Variants in BIVM observed in about 807,000 individuals in gnomAD.
BIVM encodes the protein basic, immunoglobulin-like variable motif containing, also known as basic immunoglobulin-like variable motif-containing protein.
BIVM carries 31 observed loss-of-function variants against 61.4 expected under a neutral mutation model. The observed-to-expected ratio is 0.51, with a 90% CI of 0.38 to 0.68. The LOEUF is 0.68. BIVM is among the 30% of genes least tolerant of loss of function. The pLI is 0.00. For missense variants in BIVM, 526 were observed against 596.0 expected (o/e 0.88, Z 1.22); for synonymous variants, 189 against 210.7 (o/e 0.90, Z 0.89).
At chr13:102,818,877 G>C (rs895361400) in intron 4 of BIVM, among the ~76,000 whole-genome samples, 1 of 152,124 alleles carries the variant, frequency 6.6e-6, no homozygotes, top group African/African-American at 2.4e-5. Context: ...GCCAAATTTA[G>C]TGTTATGAGA....
At chr13:102,818,733 A>G (rs1403824066) in intron 4 of BIVM, among the ~76,000 whole-genome samples, 1 of 152,196 alleles carries the variant, frequency 6.6e-6, no homozygotes, top group Non-Finnish European at 1.5e-5. Flanking sequence ...AGTCCCGTAG[A>G]AGATAGTAGA....
intron 4 of BIVM, among the ~76,000 whole-genome samples, chr13:102,817,270 C>T (rs1879926975): frequency 6.6e-6 from 1 of 152,198 alleles, no homozygotes; most frequent in Non-Finnish European, 1.5e-5. Flanking sequence ...TTTGTATTTT[C>T]CTTTTAGTTT....
chr13:102,814,156 G>C (rs969600455), intron 3 of BIVM, among the ~76,000 whole-genome samples: 23 of 152,042 alleles, frequency 1.5e-4, no homozygotes, highest in African/African-American at 5.3e-4. Flanking sequence ...GTAGGGTGAG[G>C]AATGGAAGAA....
At position 102,802,859 on chromosome 13, in the gene BIVM, C is replaced by T. The variant is rs57639050; in HGVS notation, c.-206-2448C>T. ...CTCCTGGCCTCAAGTGATTCTTTTG[C>T]CTCAGCCTCCCAAAGCATAGATATT... On this transcript the variant is annotated intron_variant, in intron 1 of 10. Transcript: ENST00000257336. 5.5e-3 allele frequency among the ~76,000 whole-genome samples: 828 copies of T among 150,888 alleles called. 7 individuals are homozygous for T. The highest frequency in any genetic ancestry group is 0.018 in the African/African-American group (752 of 41,034).
intron 1 of BIVM, among the ~76,000 whole-genome samples, chr13:102,799,982 C>T (rs1443113194): frequency 3.3e-5 from 5 of 152,176 alleles, no homozygotes; most frequent in African/African-American, 1.2e-4. Flanking sequence ...TGGGCCGCCG[C>T]CAGGAGTCAC....
At position 102,840,561 on chromosome 13, in the gene BIVM, G is replaced by A. The variant is rs1881746175; in HGVS notation, c.*696G>A. ...TAGCCGGGTGTAGTGGTGGGCACCT[G>A]TAGTCCTAGCTACTCGAGAGGCTGA... is the stretch of plus-strand genomic sequence containing the variant. On this transcript the variant is annotated 3_prime_UTR_variant, in exon 11 of 11. Transcript: ENST00000257336. 1 of 152,118 alleles carries A rather than the reference G, an allele frequency of 6.6e-6. No homozygotes were observed. The highest frequency in any genetic ancestry group is 2.4e-5 in the African/African-American group (1 of 41,358). 9.4% of individuals were successfully genotyped at this position (152,118 alleles called of 1,614,324 possible).
At chr13:102,820,523 T>A (rs544790941) in intron 4 of BIVM, 20 of 157,108 alleles carry the variant, frequency 1.3e-4, no homozygotes, top group African/African-American at 3.4e-4. Context: ...AATCATGCCA[T>A]GGAAGGATTT....
chr13:102,813,434 A>G (rs985906367), intron 3 of BIVM, among the ~76,000 whole-genome samples: 4 of 152,198 alleles, frequency 2.6e-5, no homozygotes, highest in Admixed American at 2.6e-4. Context: ...TAGAATTTAC[A>G]TTTTTATAGC....
intron 2 of BIVM, among the ~76,000 whole-genome samples, chr13:102,806,090 A>G (rs1349007413): frequency 6.6e-6 from 1 of 152,122 alleles, no homozygotes; most frequent in Non-Finnish European, 1.5e-5. Flanking sequence ...ACCATTTTAC[A>G]TTTCCATTAG....
chr13:102,800,257 A>G (rs1374440766), intron 1 of BIVM: 2 of 152,262 alleles, frequency 1.3e-5, no homozygotes, highest in Non-Finnish European at 2.9e-5. Context: ...GGCCCCCTTT[A>G]ACACCAACAG....
chr13:102,832,354 C>T (rs1201393976), intron 8 of BIVM, among the ~76,000 whole-genome samples: 1 of 152,054 alleles, frequency 6.6e-6, no homozygotes, highest in Non-Finnish European at 1.5e-5. Context: ...CCATGCCCAG[C>T]TCATAAAATT....
chr13:102,807,102 G>T lies in BIVM; in HGVS notation c.-122-44G>T, dbSNP rs1595332399. On this transcript the variant is annotated intron_variant, in intron 2 of 10. Transcript: ENST00000257336. The surrounding 1 kb of genome is among the most constrained non-coding windows in gnomAD (Gnocchi z 4.0). Reference sequence around the variant, plus strand: ...TTGCTATGCTTTTTAGTGGCTCTTTGTGTATCTGGTGGATTGTTGATCATT... The same window carrying T: ...TTGCTATGCTTTTTAGTGGCTCTTTTTGTATCTGGTGGATTGTTGATCATT... 2 of 654,628 alleles carry T rather than the reference G, an allele frequency of 3.1e-6. No individual in the cohort carries two copies. The highest frequency in any genetic ancestry group is 5.5e-5 in the East Asian group (2 of 36,268). The allele number at this position is 654,628 out of a possible 1,614,324, so 40.6% of individuals were successfully genotyped here. A position where few individuals can be genotyped will look rare whatever the true frequency, so the allele number is the denominator to read the frequency against.
chr13:102,839,480 TA>T (rs1566458698), intron 10 of BIVM, 91 bp from the exon 11 acceptor site: 11 of 1,503,060 alleles, frequency 7.3e-6, no homozygotes, highest in Non-Finnish European at 4.5e-6. Context: ...GCCGGTGAAG[TA>T]AAAAAAGAAA....
chr13:102,831,211 T>C (rs2140492449), intron 7 of BIVM, among the ~76,000 whole-genome samples: 1 of 152,332 alleles, frequency 6.6e-6, no homozygotes, highest in East Asian at 1.9e-4. Context: ...GGCATGCTTG[T>C]TCAGAATTTT....
At chr13:102,834,795 T>G (rs1050846760) in intron 9 of BIVM, among the ~76,000 whole-genome samples, 1 of 152,246 alleles carries the variant, frequency 6.6e-6, no homozygotes, top group African/African-American at 2.4e-5. Flanking sequence ...TCTTCTTGAA[T>G]TCCATGTAAA....
At chr13:102,812,032 G>A (rs566504002) in intron 3 of BIVM, among the ~76,000 whole-genome samples, 2 of 152,144 alleles carry the variant, frequency 1.3e-5, no homozygotes, top group South Asian at 4.2e-4. Flanking sequence ...CCACTCGATG[G>A]TGTCCCCAGG....
chr13:102,821,786 T>C lies in BIVM; in HGVS notation c.745T>C (p.Phe249Leu). Residue 249 changes from phenylalanine to leucine, a missense_variant, in exon 6 of 11, where the codon TTT becomes CTT. Coordinates refer to ENST00000257336, the MANE Select transcript of BIVM (RefSeq NM_017693.4). Reference protein sequence around the residue: ...TQEEALHILGFQPPFEDIRFG... With the variant: ...TQEEALHILGLQPPFEDIRFG... ...AGAAGAAGCTTTACATATTCTGGGC[T>C]TTCAACCTCCATTTGAAGATATTAG... is the stretch of plus-strand genomic sequence containing the variant. 6.2e-7 allele frequency: 1 copy of C among 1,614,126 alleles called. No homozygotes were observed. The highest frequency in any genetic ancestry group is 8.5e-7 in the Non-Finnish European group (1 of 1,180,004).
intron 7 of BIVM, among the ~76,000 whole-genome samples, chr13:102,828,461 C>T (rs1880827629): frequency 6.6e-6 from 1 of 152,210 alleles, no homozygotes. Context: ...ATAACTCACA[C>T]ATCGCTTCAC....
At chr13:102,838,920 A>G (rs1198959701) in intron 10 of BIVM, among the ~76,000 whole-genome samples, 181 bp downstream of exon 10, 1 of 152,192 alleles carries the variant, frequency 6.6e-6, no homozygotes, top group Non-Finnish European at 1.5e-5. Context: ...TGGAGTCATA[A>G]AGGAATGGTA....
Sources: gnomAD v4.1 joint callset for allele counts (sites outside exome capture counted in the v4.1 genomes callset) on GRCh38, gnomAD v4.1.1 for gene constraint, Gnocchi (gnomAD v3.1) non-coding constraint, MANE v1.5 for transcripts, NCBI Gene and HGNC (gene_info 2026-07-23, HGNC 2026-07-21) for gene names.